RIMS2: variants seen among roughly 807,000 people sequenced by gnomAD.
RIMS2 encodes regulating synaptic membrane exocytosis 2.
A neutral mutation model predicts 174.4 loss-of-function variants in RIMS2; 59 were observed. That is an observed-to-expected ratio of 0.34 (90% confidence interval 0.27 to 0.42). RIMS2 has a LOEUF of 0.42. RIMS2 is among the 10% of genes least tolerant of loss of function. The probability of loss-of-function intolerance (pLI) is 1.00; values close to 1 mark genes in which losing one functional copy is unlikely to be tolerated. For missense variants in RIMS2, 1,620 were observed against 1,666.3 expected (o/e 0.97, Z 0.48); for synonymous variants, 606 against 572.5 (o/e 1.06, Z -0.84).
chr8:104,237,428 G>T (rs1181272896), intron 19 of RIMS2, among the ~76,000 whole-genome samples: 1 of 152,140 alleles, frequency 6.6e-6, no homozygotes, highest in Non-Finnish European at 1.5e-5. Flanking sequence ...GACATAGTGA[G>T]TCATACATAC....
At chr8:103,650,899 G>A (rs1268736093) in intron 1 of RIMS2, among the ~76,000 whole-genome samples, 1 of 152,218 alleles carries the variant, frequency 6.6e-6, no homozygotes, top group Non-Finnish European at 1.5e-5. Flanking sequence ...CCCAACTTGT[G>A]AGGCACCATG....
intron 2 of RIMS2, among the ~76,000 whole-genome samples, chr8:103,759,568 A>G (rs1435430382): frequency 8.6e-6 from 1 of 115,804 alleles, no homozygotes; most frequent in Admixed American, 8.6e-5. Context: ...CCGTCTCAAA[A>G]AAAAAAAAAA....
chr8:104,048,251 C>CT (rs1308031316), intron 19 of RIMS2, among the ~76,000 whole-genome samples: 1 of 152,028 alleles, frequency 6.6e-6, no homozygotes, highest in Non-Finnish European at 1.5e-5. Context: ...AAATAAAACT[C>CT]TAATAGACAA....
At chr8:103,834,716 CTT>C (rs1481152629) in intron 3 of RIMS2, among the ~76,000 whole-genome samples, 50 of 133,122 alleles carry the variant, frequency 3.8e-4, no homozygotes, top group Admixed American at 6.6e-4. Context: ...TTCTTTCTTT[CTT>C]TCTTTCTTTC....
chr8:103,697,281 A>G (rs2097114633), exon 2 of RIMS2: 1 of 1,612,860 alleles, frequency 6.2e-7, no homozygotes, highest in Non-Finnish European at 8.5e-7. Context: ...GTCGAGTGTC[A>G]TTACGCTCAA....
chr8:104,248,655 TAA>T (rs1462255769), intron 20 of RIMS2, 44 bp from the exon 27 acceptor site: 2 of 1,019,324 alleles, frequency 2.0e-6, no homozygotes. Context: ...TACCTGAAAA[TAA>T]ATAGGGGTTG....
At chr8:104,247,493 G>T (rs545792414) in intron 20 of RIMS2, among the ~76,000 whole-genome samples, 1 of 152,300 alleles carries the variant, frequency 6.6e-6, no homozygotes, top group Non-Finnish European at 1.5e-5. Flanking sequence ...TCTCTTTAAA[G>T]GGCCTATGGC....
intron 3 of RIMS2, among the ~76,000 whole-genome samples, chr8:103,849,428 A>G (rs1162416351): frequency 6.6e-6 from 1 of 152,112 alleles, no homozygotes; most frequent in Admixed American, 6.6e-5. Flanking sequence ...GAATGAGAAA[A>G]GAGCTGAGGA....
intron 19 of RIMS2, among the ~76,000 whole-genome samples, chr8:104,166,211 C>A (rs1016338476): frequency 6.6e-6 from 1 of 151,502 alleles, no homozygotes; most frequent in African/African-American, 2.4e-5. Flanking sequence ...GGACTACAGG[C>A]GCCCGCCACC....
intron 19 of RIMS2, among the ~76,000 whole-genome samples, chr8:104,081,090 C>T (rs1019204374): frequency 6.6e-6 from 1 of 151,916 alleles, no homozygotes; most frequent in Non-Finnish European, 1.5e-5. Context: ...TGAATTAAAA[C>T]TTACTACCTC....
chr8:103,677,113 T>C (rs1399579523), intron 1 of RIMS2, among the ~76,000 whole-genome samples: 3 of 152,236 alleles, frequency 2.0e-5, no homozygotes, highest in Non-Finnish European at 4.4e-5. Flanking sequence ...TTAATACTTA[T>C]ACAGGTAAAT....
chr8:103,883,820 A>G (rs1265902176), intron 3 of RIMS2, among the ~76,000 whole-genome samples: 1 of 151,610 alleles, frequency 6.6e-6, no homozygotes, highest in Non-Finnish European at 1.5e-5. Context: ...TCCTGGGCAA[A>G]CTCCTGTTAA....
intron 3 of RIMS2, among the ~76,000 whole-genome samples, chr8:103,828,412 C>A (rs1564798079): frequency 2.0e-5 from 3 of 152,032 alleles, no homozygotes; most frequent in Admixed American, 2.0e-4. Flanking sequence ...ATGTGCTTTG[C>A]CTATGTTTTA....
chr8:103,756,840 A>T (rs1449868210), intron 2 of RIMS2, among the ~76,000 whole-genome samples: 1 of 152,068 alleles, frequency 6.6e-6, no homozygotes, highest in Non-Finnish European at 1.5e-5. Flanking sequence ...GATCCAGGAA[A>T]CTTACTGAGC....
chr8:104,166,214 C>G (rs1167837119), intron 19 of RIMS2, among the ~76,000 whole-genome samples: 1 of 151,636 alleles, frequency 6.6e-6, no homozygotes, highest in Non-Finnish European at 1.5e-5. Context: ...CTACAGGCGC[C>G]CGCCACCACG....
chr8:104,019,154 C>T (rs1467837321), intron 19 of RIMS2, among the ~76,000 whole-genome samples: 2 of 152,078 alleles, frequency 1.3e-5, no homozygotes. Context: ...GCCAAGATCA[C>T]ATCACTACAC....
intron 19 of RIMS2, among the ~76,000 whole-genome samples, chr8:104,040,323 G>A (rs1433309702): frequency 1.3e-5 from 2 of 151,296 alleles, no homozygotes; most frequent in Non-Finnish European, 3.0e-5. Flanking sequence ...ATTAAAATAG[G>A]AGATTTTGGT....
At chr8:103,825,446 A>AT (rs35460743) in intron 3 of RIMS2, among the ~76,000 whole-genome samples, 85,872 of 131,650 alleles carry the variant, frequency 0.65, 28,364 homozygotes, top group East Asian at 0.76. Context: ...TGGCTAGCTA[A>AT]TTTTTTTTTT....
At position 103,677,423 on chromosome 8, in the gene RIMS2, T is replaced by C. The variant is rs559941238; in HGVS notation, c.177-19663T>C. ...GGCCAGATAATTATCAGATAGAGTG[T>C]GATCTGGGACCCAGTTTAGTTTCTG... is the stretch of plus-strand genomic sequence containing the variant. On this transcript the variant is annotated intron_variant, in intron 1 of 23. Coordinates refer to ENST00000504942, the Ensembl canonical transcript of RIMS2. Among the ~76,000 whole-genome samples, 320 of 152,288 alleles carry C rather than the reference T, an allele frequency of 2.1e-3. 5 individuals are homozygous for C. Among genetic ancestry groups the C allele is most frequent in the Non-Finnish European group, 6.2e-4 (42 of 68,020 alleles).
Sources: gnomAD v4.1 joint callset for allele counts (sites outside exome capture counted in the v4.1 genomes callset) on GRCh38, gnomAD v4.1.1 for gene constraint, MANE v1.5 for transcripts, NCBI Gene and HGNC (gene_info 2026-07-23, HGNC 2026-07-21) for gene names.